Variants in EXOC2 observed in about 807,000 individuals in gnomAD.
EXOC2 encodes the protein SEC5-like 1.
EXOC2 carries 70 observed loss-of-function variants against 131.8 expected under a neutral mutation model. The ratio of observed to expected loss-of-function variants is 0.53; its 90% confidence interval spans 0.44 to 0.65. The LOEUF (loss-of-function observed/expected upper bound fraction) is 0.65, where lower values mean the gene tolerates loss of function less well. Among genes scored for constraint, EXOC2 ranks in the 30% least tolerant of loss-of-function variants. The pLI, the probability that EXOC2 is intolerant of heterozygous loss-of-function variation, is 0.00. For missense variants in EXOC2, 923 were observed against 1,108.6 expected (o/e 0.83, Z 2.38); for synonymous variants, 411 against 398.4 (o/e 1.03, Z -0.38).
At chr6:618,668 AT>A (rs1761135073) in intron 5 of EXOC2, among the ~76,000 whole-genome samples, 1 of 152,236 alleles carries the variant, frequency 6.6e-6, no homozygotes, top group South Asian at 2.1e-4. Flanking sequence ...CATCTTGGAC[AT>A]TTGCTTTAAA....
Position 667,268 on chromosome 6 carries a change from C to T in EXOC2, c.-44+25751G>A, listed in dbSNP as rs1157888979. On this transcript the variant is annotated intron_variant, in intron 1 of 27. Coordinates refer to ENST00000230449, the MANE Select transcript of EXOC2 (RefSeq NM_018303.6). ...TAGTGTTTCTTACAAGGAAGGTTTA[C>T]TGGTAACAAATTTCCTCAACTTTTG... 2.1e-5 allele frequency among the ~76,000 whole-genome samples: 2 copies of T among 97,536 alleles called. 1 individual carries two copies. Among genetic ancestry groups the T allele is most frequent in the Non-Finnish European group, 4.9e-5 (2 of 41,156 alleles). The allele number at this position is 97,536 out of a possible 152,430, so 64.0% of individuals were successfully genotyped here.
At chr6:637,647 T>A (rs1189364037) in intron 2 of EXOC2, 54 bp downstream of exon 2, 29 of 1,377,064 alleles carry the variant, frequency 2.1e-5, no homozygotes, top group African/African-American at 5.8e-5. Flanking sequence ...CTTGTCTCCC[T>A]TGTCCACATA....
At chr6:493,620 C>A (rs1314435561) in intron 25 of EXOC2, among the ~76,000 whole-genome samples, 1 of 152,220 alleles carries the variant, frequency 6.6e-6, no homozygotes, top group Non-Finnish European at 1.5e-5. Flanking sequence ...CCCCTTTTCA[C>A]CAAGCTCTCA....
chr6:518,260 T>C (rs375524488), intron 23 of EXOC2, among the ~76,000 whole-genome samples: 14 of 147,192 alleles, frequency 9.5e-5, no homozygotes, highest in East Asian at 6.0e-4. Context: ...TCAGAGGCAG[T>C]GGGGAGCCCA....
At chr6:512,024 A>T (rs551829424) in intron 23 of EXOC2, among the ~76,000 whole-genome samples, 19 of 152,352 alleles carry the variant, frequency 1.2e-4, no homozygotes, top group African/African-American at 4.1e-4. Flanking sequence ...CCATACTTGG[A>T]AACTCTCCCT....
At chr6:489,716 C>G (rs1402143998) in intron 26 of EXOC2, among the ~76,000 whole-genome samples, 1 of 152,222 alleles carries the variant, frequency 6.6e-6, no homozygotes, top group African/African-American at 2.4e-5. Context: ...CACAAAGGAA[C>G]AGTTCTTTTA....
At chr6:606,209 T>C (rs187368003) in intron 7 of EXOC2, among the ~76,000 whole-genome samples, 18 of 152,220 alleles carry the variant, frequency 1.2e-4, no homozygotes, top group Admixed American at 3.9e-4. Flanking sequence ...TAGGTGGGAA[T>C]TGAACAATGA....
chr6:596,139 G>A (rs1210415449), intron 10 of EXOC2, among the ~76,000 whole-genome samples: 5 of 151,910 alleles, frequency 3.3e-5, no homozygotes, highest in South Asian at 2.1e-4. Flanking sequence ...CACAGCGCCT[G>A]AGCATGCTGC....
intron 1 of EXOC2, among the ~76,000 whole-genome samples, chr6:642,241 T>A (rs1008589945): frequency 1.3e-5 from 2 of 152,230 alleles, no homozygotes; most frequent in Non-Finnish European, 2.9e-5. Flanking sequence ...TTCTACTACA[T>A]AATGTTAATA....
chr6:610,232 T>C (rs1305110183), intron 6 of EXOC2, 54 bp from the exon 7 acceptor site: 9 of 1,393,762 alleles, frequency 6.5e-6, no homozygotes, highest in African/African-American at 4.3e-5. Context: ...TGGAGATACA[T>C]TAAATCAAAA....
At chr6:682,483 A>G (rs1378740830) in intron 1 of EXOC2, among the ~76,000 whole-genome samples, 1 of 152,062 alleles carries the variant, frequency 6.6e-6, no homozygotes, top group African/African-American at 2.4e-5. Flanking sequence ...TACAGGTGTG[A>G]GCCACCGCGC....
At chr6:487,426 A>C (rs1165316433) in intron 27 of EXOC2, among the ~76,000 whole-genome samples, 1 of 151,980 alleles carries the variant, frequency 6.6e-6, no homozygotes, top group Non-Finnish European at 1.5e-5. Context: ...TCTTTTTTTC[A>C]GATGGAGTTT....
chr6:625,858 CA>C lies in EXOC2; in HGVS notation c.422+3976del, dbSNP rs1226961694. On this transcript the variant is annotated intron_variant, in intron 4 of 27. Transcript: ENST00000230449. ...ACAGCCATTCCCAGGTAATAAGTCACAAAAACAGTTGAGATCATATAAAAAC... is the reference window on the plus strand; with the variant it reads ...ACAGCCATTCCCAGGTAATAAGTCACAAAACAGTTGAGATCATATAAAAAC... Among the ~76,000 whole-genome samples the C allele has an allele frequency of 2.1e-4, 32 of 151,998 alleles. 1 individual carries two copies. Among genetic ancestry groups the C allele is most frequent in the Admixed American group, 2.0e-3 (31 of 15,272 alleles).
At chr6:581,704 G>A (rs1758915242) in intron 11 of EXOC2, among the ~76,000 whole-genome samples, 1 of 151,370 alleles carries the variant, frequency 6.6e-6, no homozygotes, top group African/African-American at 2.4e-5. Flanking sequence ...ACATACATAT[G>A]TTATCACAAA....
At chr6:636,814 G>A (rs6930805) in intron 2 of EXOC2, among the ~76,000 whole-genome samples, 107,557 of 152,086 alleles carry the variant, frequency 0.71, 38,667 homozygotes, top group Middle Eastern at 0.86. Flanking sequence ...GCAAGTAATC[G>A]TAACTGGCCA....
At chr6:636,045 G>A (rs1762086728) in intron 2 of EXOC2, among the ~76,000 whole-genome samples, 1 of 152,258 alleles carries the variant, frequency 6.6e-6, no homozygotes, top group Non-Finnish European at 1.5e-5. Flanking sequence ...CCTGGCAACA[G>A]AGCGAGACTC....
chr6:495,179 G>A (rs1326474273), intron 25 of EXOC2, among the ~76,000 whole-genome samples: 2 of 137,502 alleles, frequency 1.5e-5, no homozygotes, highest in African/African-American at 5.5e-5. Flanking sequence ...AGGCCAGACT[G>A]CAGTGGTGCG....
rs544123660 is a variant in EXOC2 at position 504,083 on chromosome 6, G to A, written c.2381-4383C>T. On this transcript the variant is annotated intron_variant, in intron 23 of 27. Transcript: ENST00000230449. ...CTCGCTGGCTCCATGCAGCTCTGAC[G>A]GCCAACACCGTTGGCAAAAGCAGTA... 3.3e-5 allele frequency among the ~76,000 whole-genome samples: 5 copies of A among 152,338 alleles called. No individual in the cohort carries two copies. The South Asian group carries it at 6.2e-4, about 19-fold the overall frequency.
chr6:513,705 C>T (rs1280314218), intron 23 of EXOC2, among the ~76,000 whole-genome samples: 1 of 152,160 alleles, frequency 6.6e-6, no homozygotes, highest in Admixed American at 6.5e-5. Context: ...AGATATATTA[C>T]ATTTATGAAT....
Sources: gnomAD v4.1 joint callset for allele counts (sites outside exome capture counted in the v4.1 genomes callset) on GRCh38, gnomAD v4.1.1 for gene constraint, MANE v1.5 for transcripts, NCBI Gene and HGNC (gene_info 2026-07-23, HGNC 2026-07-21) for gene names.